The following BABAM2 variants were observed in gnomAD, a reference collection of about 807,000 sequenced individuals.
The protein encoded by BABAM2 is BRISC and BRCA1-A complex member 2.
A neutral mutation model predicts 54.7 loss-of-function variants in BABAM2; 31 were observed. That is an observed-to-expected ratio of 0.57 (90% CI 0.43 to 0.77). The LOEUF is 0.77. Ranked by LOEUF, BABAM2 falls within the 30% of genes least tolerant of loss-of-function variation. The pLI is 0.00. For missense variants in BABAM2, 364 were observed against 455.8 expected, an observed-to-expected ratio of 0.80 and a Z score of 1.83; for synonymous variants, 167 against 162.9, an observed-to-expected ratio of 1.03 and a Z score of -0.19.
chr2:27,979,326 G>A lies in BABAM2; in HGVS notation c.206-8667G>A, dbSNP rs538567580. The stretch of plus-strand genomic sequence containing the variant: ...TGAGATTACAGGTGTGAGCCACTGC[G>A]CCTGGCCTATGTACATTTTCTTTAT... On this transcript the variant is annotated intron_variant, in intron 3 of 11. Coordinates refer to ENST00000379624, the MANE Select transcript of BABAM2 (RefSeq NM_199191.3). Among the ~76,000 whole-genome samples the A allele has an allele frequency of 5.3e-5, 8 of 151,906 alleles. No individual in the cohort carries two copies. The East Asian group carries it at 5.8e-4, about 11-fold the overall frequency.
At chr2:28,032,685 C>T (rs916283327) in intron 5 of BABAM2, among the ~76,000 whole-genome samples, 5 of 151,828 alleles carry the variant, frequency 3.3e-5, no homozygotes, top group Admixed American at 6.6e-5. Flanking sequence ...TTAGGAAACC[C>T]CTGTTTCTCT....
At chr2:28,016,023 A>G (rs1674783961) in intron 4 of BABAM2, 1 of 631,108 alleles carries the variant, frequency 1.6e-6, no homozygotes, top group Non-Finnish European at 2.9e-6. Context: ...TTTTTAAATT[A>G]TCCTTACTGT....
At chr2:28,274,130 C>T (rs1351338768) in intron 10 of BABAM2, among the ~76,000 whole-genome samples, 2 of 152,164 alleles carry the variant, frequency 1.3e-5, no homozygotes, top group African/African-American at 4.8e-5. Context: ...CTTTATCTGG[C>T]GGCCTTCCCC....
chr2:28,273,893 C>T (rs1372648344), intron 10 of BABAM2, among the ~76,000 whole-genome samples: 3 of 152,192 alleles, frequency 2.0e-5, no homozygotes, highest in Non-Finnish European at 4.4e-5. Context: ...GAGATTGACA[C>T]TTACCCTGCC....
In BABAM2 at chr2:28,233,124, C is replaced by T. The variant is rs1012204088; in HGVS notation, c.681-4078C>T. ...TACCTTCTCATCAGAACAGCCCTAT[C>T]ACCCTTTTCTCCTCCCAGGTTAAGC... is the stretch of plus-strand genomic sequence containing the variant. On this transcript the variant is annotated intron_variant, in intron 7 of 11. Transcript: ENST00000379624. 6 of 456,594 alleles carry T rather than the reference C, an allele frequency of 1.3e-5. 1 individual carries two copies. The Admixed American group carries it at 1.5e-4, about 11-fold the overall frequency. 28.3% of individuals were successfully genotyped at this position (456,594 alleles called of 1,614,324 possible). A position where few individuals can be genotyped will look rare whatever the true frequency, so the allele number is the denominator to read the frequency against.
At chr2:28,021,467 T>G (rs766569483) in intron 4 of BABAM2, among the ~76,000 whole-genome samples, 1 of 152,200 alleles carries the variant, frequency 6.6e-6, no homozygotes, top group Non-Finnish European at 1.5e-5. Flanking sequence ...TTACATTCTT[T>G]TATGCCATTT....
At chr2:27,892,842 G>C (rs1354597330) in intron 1 of BABAM2, among the ~76,000 whole-genome samples, 1 of 152,176 alleles carries the variant, frequency 6.6e-6, no homozygotes, top group African/African-American at 2.4e-5. Context: ...GCGGTCAGAA[G>C]AAGAGCTTGT....
Position 28,315,487 on chromosome 2 carries a change from G to A in BABAM2, c.1088+16996G>A, listed in dbSNP as rs183173010. ...TTTTCTTTTCTTTTCTTTTCTTTTC[G>A]AGACAGAGTCTCACTCTGTTGCCAG... On this transcript the variant is annotated intron_variant, in intron 11 of 11. Transcript: ENST00000379624. Among the ~76,000 whole-genome samples, 95 of 79,398 alleles carry A rather than the reference G, an allele frequency of 1.2e-3. 1 individual carries two copies. Among genetic ancestry groups the A allele is most frequent in the African/African-American group, 3.8e-3 (75 of 19,542 alleles). 52.1% of individuals were successfully genotyped at this position (79,398 alleles called of 152,430 possible).
intron 4 of BABAM2, among the ~76,000 whole-genome samples, chr2:28,010,786 T>A (rs895424914): frequency 6.6e-6 from 1 of 152,170 alleles, no homozygotes; most frequent in Non-Finnish European, 1.5e-5. Flanking sequence ...ATTTCTTTTC[T>A]TCTCTGCTCT....
At chr2:28,018,756 GAT>G (rs1675032224) in intron 4 of BABAM2, among the ~76,000 whole-genome samples, 1 of 152,126 alleles carries the variant, frequency 6.6e-6, no homozygotes, top group East Asian at 1.9e-4. Flanking sequence ...GATAATTAGT[GAT>G]GTTAGCATTT....
chr2:28,207,565 A>G (rs568249055), intron 7 of BABAM2, among the ~76,000 whole-genome samples: 2 of 152,106 alleles, frequency 1.3e-5, no homozygotes, highest in African/African-American at 2.4e-5. Context: ...AAAATAAAGC[A>G]TCCAACTTGA....
In BABAM2 at chr2:28,212,911, G is replaced by A. The variant is rs138002372; in HGVS notation, c.681-24291G>A. Among the ~76,000 whole-genome samples, 651 of 152,204 alleles carry A rather than the reference G, an allele frequency of 4.3e-3. 6 individuals are homozygous for A. The highest frequency in any genetic ancestry group is 0.02 in the Middle Eastern group (6 of 294). ...TACAGCCCAAGAGGCTTACCAAAAG[G>A]TGCTAGGCAATTATTAATCTTTTAT... On this transcript the variant is annotated intron_variant, in intron 7 of 11. Transcript: ENST00000379624.
chr2:28,247,677 G>T (rs922592911), intron 10 of BABAM2, among the ~76,000 whole-genome samples: 2 of 152,200 alleles, frequency 1.3e-5, no homozygotes, highest in African/African-American at 4.8e-5. Context: ...AGCAGGACAT[G>T]AAATAGCATC....
At chr2:27,909,376 A>C (rs1159247937) in intron 2 of BABAM2, among the ~76,000 whole-genome samples, 1 of 152,158 alleles carries the variant, frequency 6.6e-6, no homozygotes, top group African/African-American at 2.4e-5. Context: ...TCTTTGGAGA[A>C]ATGTCTGTTC....
chr2:28,334,837 C>T (rs547835039), intron 11 of BABAM2, among the ~76,000 whole-genome samples: 1 of 152,152 alleles, frequency 6.6e-6, no homozygotes, highest in African/African-American at 2.4e-5. Flanking sequence ...GAACAGAGCC[C>T]AGGGCTTCTC....
At chr2:27,958,912 G>C (rs908344783) in intron 3 of BABAM2, among the ~76,000 whole-genome samples, 8 of 152,112 alleles carry the variant, frequency 5.3e-5, no homozygotes, top group Non-Finnish European at 1.0e-4. Flanking sequence ...CTCTGTGTTC[G>C]TGAGTTCTGA....
intron 7 of BABAM2, among the ~76,000 whole-genome samples, chr2:28,163,902 A>G (rs547650036): frequency 1.3e-5 from 2 of 152,302 alleles, no homozygotes; most frequent in African/African-American, 4.8e-5. Flanking sequence ...TTGCTAGATC[A>G]TTTCCATCTG....
intron 6 of BABAM2, among the ~76,000 whole-genome samples, chr2:28,095,441 C>A (rs960603641): frequency 2.0e-5 from 3 of 152,170 alleles, no homozygotes; most frequent in Admixed American, 6.5e-5. Flanking sequence ...AGGTCTAATA[C>A]CTAGCACAGG....
Position 28,129,260 on chromosome 2 carries a change from T to G in BABAM2, c.571-11T>G, listed in dbSNP as rs752222632. ...CAGGTGCTGATGTTGTGTTTTCACT[T>G]CTTGTTTAAGGATGTAAATGAAGAC... On this transcript the variant is annotated splice_polypyrimidine_tract_variant and intron_variant, in intron 6 of 11. Coordinates refer to ENST00000379624, the MANE Select transcript of BABAM2 (RefSeq NM_199191.3). 21 of 1,607,122 alleles carry G rather than the reference T, an allele frequency of 1.3e-5. No individual in the cohort carries two copies. The highest frequency in any genetic ancestry group is 5.0e-5 in the Admixed American group (3 of 59,992).
Sources: allele counts gnomAD v4.1 joint callset (sites outside exome capture counted in the v4.1 genomes callset), GRCh38; gene constraint gnomAD v4.1.1; transcripts MANE v1.5; gene names NCBI Gene and HGNC (gene_info 2026-07-23, HGNC 2026-07-21).